MDGA2: variants seen among roughly 807,000 people sequenced by gnomAD.
MDGA2 encodes the protein MAM domain-containing glycosylphosphatidylinositol anchor protein 2.
MDGA2 carries 40 observed loss-of-function variants against 117.8 expected under a neutral mutation model. The observed-to-expected ratio is 0.34, with a 90% CI of 0.26 to 0.44. The LOEUF is 0.44. MDGA2 is among the 20% of genes least tolerant of loss of function. MDGA2 has a pLI of 1.00. For missense variants in MDGA2, 1,123 were observed against 1,250.6 expected (o/e 0.90, Z 1.54); for synonymous variants, 452 against 439.0 (o/e 1.03, Z -0.37).
chr14:47,080,427 G>T (rs930517104), intron 6 of MDGA2, among the ~76,000 whole-genome samples: 4 of 152,090 alleles, frequency 2.6e-5, no homozygotes, highest in Non-Finnish European at 4.4e-5. Flanking sequence ...CAAATCTTGA[G>T]ATATATATGA....
intron 1 of MDGA2, among the ~76,000 whole-genome samples, chr14:47,647,306 A>T (rs1038952457): frequency 7.9e-5 from 12 of 152,192 alleles, no homozygotes; most frequent in African/African-American, 2.7e-4. Context: ...AAGCAGTAAC[A>T]CACATGGCCT....
At chr14:46,981,172 G>GGGT (rs1555340287) in intron 8 of MDGA2, among the ~76,000 whole-genome samples, 1 of 17,668 alleles carries the variant, frequency 5.7e-5, no homozygotes, top group Non-Finnish European at 1.6e-4. Context: ...GGGAGGCCAA[G>GGGT]GGGGGGGCGG....
intron 10 of MDGA2, among the ~76,000 whole-genome samples, chr14:46,916,660 G>A (rs749942778): frequency 5.3e-5 from 8 of 152,008 alleles, no homozygotes; most frequent in Non-Finnish European, 1.0e-4. Flanking sequence ...AAAAAGAGGC[G>A]TGTGTCTACG....
At chr14:47,273,799 T>C (rs1055985033) in intron 2 of MDGA2, among the ~76,000 whole-genome samples, 25 of 152,276 alleles carry the variant, frequency 1.6e-4, no homozygotes, top group African/African-American at 5.8e-4. Flanking sequence ...GTATGCTCCC[T>C]ATGCATGAAG....
Position 47,198,864 on chromosome 14 carries a change from A to G in MDGA2, c.595+19157T>C, listed in dbSNP as rs1408064766. On this transcript the variant is annotated intron_variant, in intron 3 of 16. Coordinates refer to ENST00000399232, the MANE Select transcript of MDGA2 (RefSeq NM_001113498.3). ...GCCTAGTCAAACATTAGTACTTGGAAGTTATTGTTTAGATGTGACTAATAT... is the reference window on the plus strand; with the variant it reads ...GCCTAGTCAAACATTAGTACTTGGAGGTTATTGTTTAGATGTGACTAATAT... 2.6e-5 allele frequency among the ~76,000 whole-genome samples: 4 copies of G among 152,156 alleles called. No homozygotes were observed. In the East Asian group the frequency reaches 7.7e-4, roughly 29 times the overall value.
chr14:47,558,730 C>T (rs1412367766), intron 1 of MDGA2, among the ~76,000 whole-genome samples: 1 of 152,068 alleles, frequency 6.6e-6, no homozygotes, highest in African/African-American at 2.4e-5. Flanking sequence ...AAATTTAACC[C>T]TTTCACCAAG....
chr14:47,137,865 A>G (rs1242117495), intron 4 of MDGA2, among the ~76,000 whole-genome samples: 4 of 152,146 alleles, frequency 2.6e-5, no homozygotes, highest in African/African-American at 9.7e-5. Context: ...CAGTCAGAAA[A>G]CAAGATACCA....
chr14:47,348,534 T>C (rs34142583), intron 1 of MDGA2, among the ~76,000 whole-genome samples: 40,353 of 151,970 alleles, frequency 0.27, 5,467 homozygotes, highest in East Asian at 0.42. Flanking sequence ...TAAATGCTTA[T>C]GGTAAATTCA....
At chr14:46,840,069 AC>A (rs1880546150), downstream of MDGA2, 1 of 152,478 alleles carries the variant, frequency 6.6e-6, no homozygotes, top group Non-Finnish European at 1.5e-5. Flanking sequence ...ACATTGCTCA[AC>A]AAACACACAT....
chr14:47,041,614 A>C (rs1889072810), intron 7 of MDGA2, among the ~76,000 whole-genome samples: 1 of 147,964 alleles, frequency 6.8e-6, no homozygotes, highest in South Asian at 2.2e-4. Flanking sequence ...ATGATATGAC[A>C]CCAAAGTTTC....
At chr14:47,322,976 T>C (rs755817485) in intron 1 of MDGA2, among the ~76,000 whole-genome samples, 5 of 151,642 alleles carry the variant, frequency 3.3e-5, no homozygotes, top group African/African-American at 4.8e-5. Context: ...TTAATAGAAA[T>C]TCTGTAGTTG....
At chr14:47,102,657 A>G (rs1302682347) in intron 5 of MDGA2, among the ~76,000 whole-genome samples, 1 of 152,150 alleles carries the variant, frequency 6.6e-6, no homozygotes, top group East Asian at 1.9e-4. Flanking sequence ...ACCCTCTGAG[A>G]GACCAAGTCA....
At chr14:47,268,855 T>C (rs1888052281) in intron 2 of MDGA2, among the ~76,000 whole-genome samples, 1 of 152,236 alleles carries the variant, frequency 6.6e-6, no homozygotes, top group African/African-American at 2.4e-5. Context: ...TGGAAATCAG[T>C]GTTTAAGGAT....
At chr14:46,846,998 G>A (rs1188923539) in intron 15 of MDGA2, among the ~76,000 whole-genome samples, 1 of 152,012 alleles carries the variant, frequency 6.6e-6, no homozygotes, top group East Asian at 1.9e-4. Context: ...AGGCAAATCA[G>A]AGTCATCTCT....
intron 1 of MDGA2, among the ~76,000 whole-genome samples, chr14:47,567,524 A>G (rs1476654387): frequency 6.6e-6 from 1 of 152,214 alleles, no homozygotes; most frequent in Non-Finnish European, 1.5e-5. Context: ...ACTATGACAG[A>G]GAATGCCTTC....
At chr14:47,148,911 T>A (rs1230170604) in intron 3 of MDGA2, among the ~76,000 whole-genome samples, 1 of 152,204 alleles carries the variant, frequency 6.6e-6, no homozygotes, top group Admixed American at 6.5e-5. Context: ...TATTTTCCCC[T>A]AGAGATGCTG....
intron 3 of MDGA2, among the ~76,000 whole-genome samples, chr14:47,170,933 T>C (rs1451037446): frequency 2.0e-5 from 3 of 152,170 alleles, no homozygotes; most frequent in African/African-American, 4.8e-5. Flanking sequence ...TTTAAATGTT[T>C]CGCTTTGTGG....
chr14:47,289,096 T>C (rs1888787136), intron 2 of MDGA2, among the ~76,000 whole-genome samples: 1 of 152,048 alleles, frequency 6.6e-6, no homozygotes, highest in Non-Finnish European at 1.5e-5. Flanking sequence ...TCCTTTAAAG[T>C]CATTTTAATG....
chr14:47,275,491 A>G (rs1888282375), intron 2 of MDGA2, among the ~76,000 whole-genome samples: 1 of 152,132 alleles, frequency 6.6e-6, no homozygotes, highest in Non-Finnish European at 1.5e-5. Flanking sequence ...TAACAATTAC[A>G]CAATTAAAAT....
Sources: allele counts gnomAD v4.1 joint callset (sites outside exome capture counted in the v4.1 genomes callset), GRCh38; gene constraint gnomAD v4.1.1; transcripts MANE v1.5; gene names NCBI Gene and HGNC (gene_info 2026-07-23, HGNC 2026-07-21).